The following SLC2A9 variants were observed in gnomAD, a reference collection of about 807,000 sequenced individuals.
SLC2A9 encodes solute carrier family 2 member 9, also known as solute carrier family 2, facilitated glucose transporter member 9.
A neutral mutation model predicts 50.6 loss-of-function variants in SLC2A9; 39 were observed. The observed-to-expected ratio is 0.77, with a 90% CI of 0.60 to 1.01. SLC2A9 has a LOEUF of 1.01. SLC2A9 is among the 50% of genes least tolerant of loss of function. The pLI is 0.00. For synonymous variants in SLC2A9, 324 were observed against 276.9 expected (o/e 1.17, Z -1.69); for missense variants, 686 against 677.6 (o/e 1.01, Z -0.14).
intron 10 of SLC2A9, among the ~76,000 whole-genome samples, chr4:9,841,004 G>T (rs573708780): frequency 4.3e-4 from 65 of 152,198 alleles, no homozygotes; most frequent in Admixed American, 3.1e-3. Context: ...CAGCATGGGG[G>T]AACTACTCCC....
At chr4:9,905,931 T>C (rs1740579878) in intron 8 of SLC2A9, among the ~76,000 whole-genome samples, 1 of 152,192 alleles carries the variant, frequency 6.6e-6, no homozygotes, top group Admixed American at 6.5e-5. Context: ...TCACTCCTTT[T>C]GGTCTTAGTT....
intron 10 of SLC2A9, among the ~76,000 whole-genome samples, chr4:9,840,520 T>G (rs551361531): frequency 6.6e-6 from 1 of 152,234 alleles, no homozygotes; most frequent in African/African-American, 2.4e-5. Flanking sequence ...TTTTAAAGCA[T>G]GCAACATGAC....
At chr4:9,786,829 A>C (rs540974821) in intron 3 of SLC2A9, among the ~76,000 whole-genome samples, 1 of 152,168 alleles carries the variant, frequency 6.6e-6, no homozygotes, top group Admixed American at 6.5e-5. Context: ...GTCTGGAGAC[A>C]TTTTTGGTTG....
At chr4:9,879,837 T>C (rs1734910268) in intron 10 of SLC2A9, 1 of 985,330 alleles carries the variant, frequency 1.0e-6, no homozygotes, top group Non-Finnish European at 1.2e-6. Flanking sequence ...TTTTGCCTCA[T>C]TTATTAGACT....
chr4:9,805,170 G>C (rs1428871730), intron 3 of SLC2A9, among the ~76,000 whole-genome samples: 1 of 152,186 alleles, frequency 6.6e-6, no homozygotes, highest in Non-Finnish European at 1.5e-5. Context: ...GTTTACAGCA[G>C]CAAAGCTTTA....
At position 9,930,741 on chromosome 4, in the gene SLC2A9, C is replaced by T. The variant is rs112409854; in HGVS notation, c.815-10169G>A. Among the ~76,000 whole-genome samples the T allele has an allele frequency of 6.6e-3, 999 of 152,294 alleles. 15 individuals are homozygous for T. The highest frequency in any genetic ancestry group is 0.023 in the African/African-American group (964 of 41,538). ...CTGAGGTCAGAACAAGGGCTCCAGG[C>T]AAGAGCTCTGATGTGTGGGACCACA... is the stretch of plus-strand genomic sequence containing the variant. On this transcript the variant is annotated intron_variant, in intron 6 of 11. Transcript: ENST00000264784.
Position 9,817,914 on chromosome 4 carries a change from T to C in SLC2A9, n.420+8506A>G, listed in dbSNP as rs142325539. ...CACTGGCTTTGTCTGTCCCTCCTGT[T>C]TGCTGGTGTTTGGCAGGGCAATTGT... On this transcript the variant is annotated intron_variant and non_coding_transcript_variant, in intron 3 of 3. Coordinates refer to the SLC2A9 transcript ENST00000503280. Among the ~76,000 whole-genome samples, 446 of 152,296 alleles carry C rather than the reference T, an allele frequency of 2.9e-3. 2 individuals carry two copies. The highest frequency in any genetic ancestry group is 0.01 in the African/African-American group (421 of 41,566).
chr4:9,839,597 T>C (rs1727685016), intron 10 of SLC2A9, among the ~76,000 whole-genome samples: 2 of 151,884 alleles, frequency 1.3e-5, no homozygotes, highest in South Asian at 4.2e-4. Flanking sequence ...AATGATAGAC[T>C]GGATAAAGAA....
intron 4 of SLC2A9, 23 bp from the exon 5 acceptor site, chr4:9,980,760 CAGTT>C: frequency 1.2e-6 from 2 of 1,614,158 alleles, no homozygotes; most frequent in Non-Finnish European, 1.7e-6. Context: ...AGCATAGCAG[CAGTT>C]AGAGAGGTGT....
chr4:9,776,082 C>A (rs574124655), downstream of SLC2A9, among the ~76,000 whole-genome samples: 1 of 152,202 alleles, frequency 6.6e-6, no homozygotes, highest in Admixed American at 6.5e-5. Context: ...GGGAAGGGAT[C>A]TGCTGGGGGC....
At chr4:9,911,009 G>A (rs1229556764) in intron 7 of SLC2A9, among the ~76,000 whole-genome samples, 3 of 146,974 alleles carry the variant, frequency 2.0e-5, no homozygotes, top group African/African-American at 7.3e-5. Context: ...GGTGTGGGGG[G>A]GCTAGAGGAG....
At chr4:9,792,329 A>G (rs976297253) in intron 3 of SLC2A9, among the ~76,000 whole-genome samples, 1 of 148,168 alleles carries the variant, frequency 6.7e-6, no homozygotes, top group Non-Finnish European at 1.5e-5. Flanking sequence ...GGCATGCACC[A>G]CCACACCTGG....
chr4:9,866,903 G>A (rs1389713290), intron 10 of SLC2A9, among the ~76,000 whole-genome samples: 2 of 152,216 alleles, frequency 1.3e-5, no homozygotes, highest in African/African-American at 2.4e-5. Flanking sequence ...TGAGCTCACA[G>A]TCCTCCCCAC....
intron 3 of SLC2A9, among the ~76,000 whole-genome samples, chr4:9,800,750 G>A (rs1258653697): frequency 6.6e-6 from 1 of 152,180 alleles, no homozygotes; most frequent in African/African-American, 2.4e-5. Context: ...CAACGCATCA[G>A]GTATTATAGG....
chr4:10,003,181 C>T (rs10018666), intron 2 of SLC2A9, among the ~76,000 whole-genome samples: 109,098 of 151,874 alleles, frequency 0.72, 40,030 homozygotes, highest in Non-Finnish European at 0.81. Context: ...CACTCTTGCA[C>T]GTGAACTTGC....
At chr4:9,781,304 C>T (rs1053693030) in intron 3 of SLC2A9, among the ~76,000 whole-genome samples, 4 of 152,232 alleles carry the variant, frequency 2.6e-5, no homozygotes, top group Non-Finnish European at 5.9e-5. Flanking sequence ...TCCAAGGCTG[C>T]CCCGCTTACC....
intron 10 of SLC2A9, among the ~76,000 whole-genome samples, chr4:9,875,057 G>C (rs1157690785): frequency 1.3e-5 from 2 of 148,948 alleles, no homozygotes; most frequent in Non-Finnish European, 3.0e-5. Context: ...GTCTAAGATG[G>C]GATGCTGTGT....
chr4:9,896,942 T>C (rs537162468), intron 8 of SLC2A9, among the ~76,000 whole-genome samples: 1 of 152,370 alleles, frequency 6.6e-6, no homozygotes, highest in South Asian at 2.1e-4. Context: ...ATTCCCATGT[T>C]TGAACATTGT....
intron 5 of SLC2A9, among the ~76,000 whole-genome samples, chr4:9,957,393 C>A (rs770958904): frequency 2.6e-5 from 4 of 152,142 alleles, no homozygotes; most frequent in Non-Finnish European, 4.4e-5. Flanking sequence ...TTGAGTGAAG[C>A]CTTGTCCCTC....
Sources: gnomAD v4.1 joint callset for allele counts (sites outside exome capture counted in the v4.1 genomes callset) on GRCh38, gnomAD v4.1.1 for gene constraint, MANE v1.5 for transcripts, NCBI Gene and HGNC (gene_info 2026-07-23, HGNC 2026-07-21) for gene names.